The following MRPS28 variants were observed in gnomAD, a reference collection of about 807,000 sequenced individuals.
The protein encoded by MRPS28 is mitochondrial ribosomal protein S28.
In MRPS28, 7 loss-of-function variants were observed where a neutral mutation model predicts 10.8. The ratio of observed to expected loss-of-function variants is 0.65; its 90% CI spans 0.37 to 1.22. The LOEUF is 1.22. MRPS28 is among the 50% of genes most tolerant of loss of function. MRPS28 has a pLI of 0.02. For missense variants in MRPS28, 265 were observed against 232.9 expected (o/e 1.14, Z -0.90); for synonymous variants, 121 against 93.3 (o/e 1.30, Z -1.71).
chr8:80,001,333 T>C (rs1808655369), intron 2 of MRPS28, among the ~76,000 whole-genome samples: 1 of 152,240 alleles, frequency 6.6e-6, no homozygotes, highest in African/African-American at 2.4e-5. Flanking sequence ...CAGCTTCTGC[T>C]GATAGTACCT....
chr8:79,979,001 G>C (rs1807877117), intron 2 of MRPS28, among the ~76,000 whole-genome samples: 3 of 152,020 alleles, frequency 2.0e-5, no homozygotes, highest in Non-Finnish European at 2.9e-5. Flanking sequence ...CTAATTTTTT[G>C]TGTTGTTTTG....
At position 80,001,736 on chromosome 8, in the gene MRPS28, G is replaced by A. The variant is rs775418269; in HGVS notation, c.395+1263C>T. Among the ~76,000 whole-genome samples, 192 of 152,092 alleles carry A rather than the reference G, an allele frequency of 1.3e-3. 1 individual carries two copies. The highest frequency in any genetic ancestry group is 4.7e-4 in the Non-Finnish European group (32 of 68,010). On this transcript the variant is annotated intron_variant, in intron 2 of 2. Transcript: ENST00000276585. ...GCTCAAGCCATTCCTCTCATGCCAG[G>A]GAGCACAGTCTTTCAGTTGACACCT...
At chr8:79,989,006 T>C (rs945415863) in intron 2 of MRPS28, among the ~76,000 whole-genome samples, 21 of 152,314 alleles carry the variant, frequency 1.4e-4, no homozygotes, top group Admixed American at 1.3e-3. Flanking sequence ...GAGAAGGGAA[T>C]AGCCAATATT....
intron 2 of MRPS28, among the ~76,000 whole-genome samples, chr8:79,996,435 C>G (rs1195683656): frequency 6.6e-6 from 1 of 152,182 alleles, no homozygotes; most frequent in Non-Finnish European, 1.5e-5. Flanking sequence ...TTATAAACAG[C>G]AGAAACTTCT....
At chr8:79,982,767 C>A (rs953179000) in intron 2 of MRPS28, among the ~76,000 whole-genome samples, 2 of 152,180 alleles carry the variant, frequency 1.3e-5, no homozygotes, top group African/African-American at 4.8e-5. Flanking sequence ...CCGGGAAGCT[C>A]GAACTGGGTG....
At position 79,929,564 on chromosome 8, in the gene MRPS28, T is replaced by C. The variant is rs1490305191; in HGVS notation, c.396-10416A>G. Among the ~76,000 whole-genome samples the C allele has an allele frequency of 2.0e-5, 3 of 152,214 alleles. 1 individual carries two copies. The highest frequency in any genetic ancestry group is 2.0e-4 in the Admixed American group (3 of 15,290). ...TGTCTGAATTTGCAAGGGTTTAATA[T>C]TAAAAAGGTGACGGTACTTATTTTA... On this transcript the variant is annotated intron_variant, in intron 2 of 2. Transcript: ENST00000276585.
intron 1 of MRPS28, among the ~76,000 whole-genome samples, chr8:80,027,609 AGTGT>A (rs1809525116): frequency 6.6e-6 from 1 of 152,242 alleles, no homozygotes; most frequent in African/African-American, 2.4e-5. Flanking sequence ...CTTGATCCAC[AGTGT>A]GTGTAATGAC....
intron 1 of MRPS28, among the ~76,000 whole-genome samples, chr8:80,010,769 C>T (rs1809018964): frequency 6.6e-6 from 1 of 152,232 alleles, no homozygotes; most frequent in African/African-American, 2.4e-5. Flanking sequence ...TTGGCTTATG[C>T]CAAGTCCCTC....
intron 1 of MRPS28, among the ~76,000 whole-genome samples, chr8:80,006,007 G>A (rs1808831066): frequency 6.6e-6 from 1 of 152,150 alleles, no homozygotes; most frequent in African/African-American, 2.4e-5. Flanking sequence ...GACCTACAAA[G>A]AGACTTAGAC....
At chr8:79,934,594 C>T (rs1162744252) in intron 2 of MRPS28, among the ~76,000 whole-genome samples, 2 of 152,126 alleles carry the variant, frequency 1.3e-5, no homozygotes, top group African/African-American at 4.8e-5. Flanking sequence ...ATATGGAAGA[C>T]AAGAACAGAT....
chr8:80,012,760 T>A (rs886230060), intron 1 of MRPS28, among the ~76,000 whole-genome samples: 2 of 152,210 alleles, frequency 1.3e-5, no homozygotes, highest in Admixed American at 6.5e-5. Flanking sequence ...ATTACAGACA[T>A]ATGGAACAGT....
Position 80,029,661 on chromosome 8 carries a change from A to C in MRPS28, c.213+375T>G. 22 of 1,184,706 alleles carry C rather than the reference A, an allele frequency of 1.9e-5. No homozygotes were observed. In the South Asian group the frequency reaches 2.7e-4, roughly 15 times the overall value. 73.4% of individuals were successfully genotyped at this position (1,184,706 alleles called of 1,614,324 possible). On this transcript the variant is annotated intron_variant, in intron 1 of 2. Coordinates refer to ENST00000276585, the MANE Select transcript of MRPS28 (RefSeq NM_014018.3). ...CATGCTAGAGCTACTGTTCAGAACA[A>C]GACCCAGCAGAGCCCTGCCTCTCCG...
At chr8:80,012,276 CATT>C (rs1329419880) in intron 1 of MRPS28, among the ~76,000 whole-genome samples, 2 of 152,156 alleles carry the variant, frequency 1.3e-5, no homozygotes, top group African/African-American at 4.8e-5. Context: ...GATATTGCAT[CATT>C]GATTTTGGGA....
intron 1 of MRPS28, among the ~76,000 whole-genome samples, chr8:80,007,385 C>T (rs1808882751): frequency 6.6e-6 from 1 of 152,212 alleles, no homozygotes; most frequent in African/African-American, 2.4e-5. Flanking sequence ...CCTCTCTCAC[C>T]ACTCTTATTC....
chr8:79,944,403 C>T (rs1191498236), intron 2 of MRPS28, among the ~76,000 whole-genome samples: 1 of 152,148 alleles, frequency 6.6e-6, no homozygotes, highest in Non-Finnish European at 1.5e-5. Context: ...CCTCAGGTTA[C>T]GAGAACTACC....
chr8:79,934,660 A>C (rs1241165097), intron 2 of MRPS28, among the ~76,000 whole-genome samples: 1 of 152,246 alleles, frequency 6.6e-6, no homozygotes, highest in African/African-American at 2.4e-5. Context: ...GATTAGATTT[A>C]TATATATGTT....
At position 80,003,456 on chromosome 8, in the gene MRPS28, G is replaced by A. The variant is rs184478202; in HGVS notation, c.214-276C>T. The stretch of plus-strand genomic sequence containing the variant: ...CGAGGCAGGTGGATCACCTGAAGTC[G>A]GGAGTTCTAAGCCTGACCAACATAG... On this transcript the variant is annotated intron_variant, in intron 1 of 2. Coordinates refer to ENST00000276585, the MANE Select transcript of MRPS28 (RefSeq NM_014018.3). 9.6e-3 allele frequency among the ~76,000 whole-genome samples: 1,457 copies of A among 152,168 alleles called. 9 individuals carry two copies. The highest frequency in any genetic ancestry group is 0.017 in the Non-Finnish European group (1,140 of 68,000).
At chr8:79,993,066 T>C (rs1157924300) in intron 2 of MRPS28, among the ~76,000 whole-genome samples, 1 of 152,168 alleles carries the variant, frequency 6.6e-6, no homozygotes, top group East Asian at 1.9e-4. Context: ...TAAGACAAAA[T>C]TCAAAAGAGA....
intron 1 of MRPS28, among the ~76,000 whole-genome samples, chr8:80,005,060 C>CTTCA (rs1808791108): frequency 6.6e-6 from 1 of 152,208 alleles, no homozygotes; most frequent in Admixed American, 6.5e-5. Context: ...GGAAAGCACT[C>CTTCA]TTCAGGATAT....
Sources: gnomAD v4.1 joint callset for allele counts (sites outside exome capture counted in the v4.1 genomes callset) on GRCh38, gnomAD v4.1.1 for gene constraint, MANE v1.5 for transcripts, NCBI Gene and HGNC (gene_info 2026-07-23, HGNC 2026-07-21) for gene names.